TAOK1: variants seen among roughly 807,000 people sequenced by gnomAD.
TAOK1 encodes serine/threonine-protein kinase TAO1.
TAOK1 carries 21 observed loss-of-function variants against 138.3 expected under a neutral mutation model. The observed-to-expected ratio is 0.15, with a 90% CI of 0.11 to 0.22. The LOEUF (loss-of-function observed/expected upper bound fraction) is 0.22, where lower values mean the gene tolerates loss of function less well. Ranked by LOEUF, TAOK1 falls within the 10% of genes least tolerant of loss-of-function variation. The probability of loss-of-function intolerance (pLI) is 1.00; values close to 1 mark genes in which losing one functional copy is unlikely to be tolerated. For missense variants in TAOK1, 651 were observed against 1,227.7 expected (o/e 0.53, Z 7.02); for synonymous variants, 361 against 398.4 (o/e 0.91, Z 1.12).
At chr17:29,450,113 G>GTC (rs1457367617) in intron 1 of TAOK1, among the ~76,000 whole-genome samples, 1 of 148,914 alleles carries the variant, frequency 6.7e-6, no homozygotes, top group Non-Finnish European at 1.5e-5. Flanking sequence ...AACAAACAGG[G>GTC]TCTCTCTCTC....
intron 19 of TAOK1, among the ~76,000 whole-genome samples, chr17:29,539,690 C>T (rs1027392390): frequency 1.3e-5 from 2 of 152,150 alleles, no homozygotes; most frequent in African/African-American, 4.8e-5. Flanking sequence ...CGTACCTCAG[C>T]CTCCCAAAGC....
chr17:29,406,716 A>G (rs1216283715), intron 1 of TAOK1, among the ~76,000 whole-genome samples: 1 of 152,006 alleles, frequency 6.6e-6, no homozygotes, highest in Non-Finnish European at 1.5e-5. Flanking sequence ...CTGGGAGACT[A>G]CTGGCATACA....
chr17:29,482,027 A>G (rs1022450906), intron 7 of TAOK1, among the ~76,000 whole-genome samples, 170 bp from the exon 8 acceptor site: 8 of 152,170 alleles, frequency 5.3e-5, no homozygotes, highest in Admixed American at 5.2e-4. Flanking sequence ...ATTGCTAAAT[A>G]TTTACCTCAC....
At chr17:29,453,801 G>GTTTTTTTGTTTTTTT (rs2030305485) in intron 2 of TAOK1, among the ~76,000 whole-genome samples, 1 of 141,788 alleles carries the variant, frequency 7.1e-6, no homozygotes, top group African/African-American at 2.7e-5. Context: ...ATTCACTTAG[G>GTTTTTTTGTTTTTTT]TTTTTTTGTT....
In TAOK1 at chr17:29,522,395, G is replaced by A; in HGVS notation, c.2024G>A (p.Cys675Tyr). The A allele has an allele frequency of 1.2e-6, 2 of 1,614,188 alleles. No individual in the cohort carries two copies. Among genetic ancestry groups the A allele is most frequent in the Non-Finnish European group, 1.7e-6 (2 of 1,180,034 alleles). The part of the protein sequence containing the change: ...RHLNTIQKMR[C>Y]ELIRLQHQTE... ...CTCAACACAATTCAGAAGATGCGCT[G>A]TGAGTTGATCAGATTACAGCATCAA... is the stretch of plus-strand genomic sequence containing the variant. Residue 675 changes from cysteine (C) to tyrosine (Y), a missense_variant, in exon 17 of 20, where the codon TGT becomes TAT. By Grantham distance (194) the Cys-to-Tyr change is radical (BLOSUM62 -2). Coordinates refer to ENST00000261716, the MANE Select transcript of TAOK1 (RefSeq NM_020791.4).
chr17:29,447,229 G>T (rs1255916370), intron 1 of TAOK1, among the ~76,000 whole-genome samples: 2 of 151,804 alleles, frequency 1.3e-5, no homozygotes, highest in African/African-American at 4.8e-5. Context: ...CCCGTTTTTA[G>T]TAACTATATT....
intron 1 of TAOK1, among the ~76,000 whole-genome samples, chr17:29,414,739 A>G (rs2153021274): frequency 6.7e-6 from 1 of 149,364 alleles, no homozygotes; most frequent in South Asian, 2.1e-4. Context: ...TTGTATTTTT[A>G]ATAGAGACGG....
intron 1 of TAOK1, among the ~76,000 whole-genome samples, chr17:29,436,912 T>G (rs531774853): frequency 1.3e-4 from 20 of 152,312 alleles, no homozygotes; most frequent in African/African-American, 4.8e-4. Flanking sequence ...AAGAAAATTT[T>G]GAAACTGAAG....
At chr17:29,504,618 T>C (rs1049526597) in intron 13 of TAOK1, among the ~76,000 whole-genome samples, 5 of 151,256 alleles carry the variant, frequency 3.3e-5, no homozygotes, top group Admixed American at 6.6e-5. Flanking sequence ...TGGAGTGAGC[T>C]GAGATCGCAC....
At chr17:29,490,533 T>A (rs1197644147) in intron 9 of TAOK1, among the ~76,000 whole-genome samples, 1 of 152,184 alleles carries the variant, frequency 6.6e-6, no homozygotes, top group Admixed American at 6.6e-5. Context: ...TTCATATAAG[T>A]CTTTGCCACT....
At chr17:29,469,302 A>T (rs549344093) in intron 3 of TAOK1, among the ~76,000 whole-genome samples, 12 of 102,902 alleles carry the variant, frequency 1.2e-4, no homozygotes, top group South Asian at 3.3e-4. Context: ...TAAATTTTTT[A>T]AAATTATTTT....
chr17:29,487,113 G>A (rs991221079), intron 8 of TAOK1, among the ~76,000 whole-genome samples: 1 of 152,048 alleles, frequency 6.6e-6, no homozygotes, highest in Non-Finnish European at 1.5e-5. Context: ...GCTGGGCATG[G>A]TGGCCCATGC....
intron 1 of TAOK1, among the ~76,000 whole-genome samples, chr17:29,444,815 C>T (rs916531500): frequency 1.3e-5 from 2 of 152,122 alleles, no homozygotes; most frequent in East Asian, 1.9e-4. Context: ...GTACATGTCT[C>T]CATTTAATTA....
intron 1 of TAOK1, among the ~76,000 whole-genome samples, chr17:29,426,704 A>C (rs1445607670): frequency 6.6e-6 from 1 of 152,168 alleles, no homozygotes; most frequent in African/African-American, 2.4e-5. Flanking sequence ...GTAGCTTAAG[A>C]GGCCCTCATT....
chr17:29,457,013 G>A (rs191490814), intron 2 of TAOK1, among the ~76,000 whole-genome samples: 4 of 149,486 alleles, frequency 2.7e-5, no homozygotes, highest in South Asian at 4.2e-4. Flanking sequence ...GATTACAGGC[G>A]TGAGCCACAG....
intron 11 of TAOK1, 74 bp from the exon 12 acceptor site, chr17:29,498,244 G>A: frequency 6.7e-7 from 1 of 1,495,316 alleles, no homozygotes; most frequent in South Asian, 1.2e-5. Flanking sequence ...TATGCTAGGT[G>A]CTTATAGTCA....
At chr17:29,489,450 A>T (rs1029298191) in intron 8 of TAOK1, among the ~76,000 whole-genome samples, 13 of 152,252 alleles carry the variant, frequency 8.5e-5, no homozygotes, top group Admixed American at 4.6e-4. Flanking sequence ...GTGAGCCGAG[A>T]TTGTGCCACT....
chr17:29,462,475 T>C (rs2030553662), intron 2 of TAOK1, among the ~76,000 whole-genome samples: 1 of 152,222 alleles, frequency 6.6e-6, no homozygotes, highest in African/African-American at 2.4e-5. Context: ...ACAAATATGG[T>C]AGACCATGTA....
At chr17:29,478,452 A>C (rs555127216) in intron 6 of TAOK1, 105 bp downstream of exon 6, 30 of 711,814 alleles carry the variant, frequency 4.2e-5, no homozygotes, top group Non-Finnish European at 6.6e-5. Context: ...GCCAAATAAA[A>C]TAATATAAGC....
Sources: gnomAD v4.1 joint callset for allele counts (sites outside exome capture counted in the v4.1 genomes callset) on GRCh38, gnomAD v4.1.1 for gene constraint, MANE v1.5 for transcripts, NCBI Gene and HGNC (gene_info 2026-07-23, HGNC 2026-07-21) for gene names.